Variants in ANGPT2 observed in about 807,000 individuals in gnomAD.
The protein encoded by ANGPT2 is angiopoietin 2.
A neutral mutation model predicts 62.9 loss-of-function variants in ANGPT2; 28 were observed. That is an observed-to-expected ratio of 0.44 (90% confidence interval 0.33 to 0.61). The LOEUF (loss-of-function observed/expected upper bound fraction) is 0.61. Ranked by LOEUF, ANGPT2 falls within the 20% of genes least tolerant of loss-of-function variation. ANGPT2 has a pLI of 0.03. For synonymous variants in ANGPT2, 284 were observed against 207.8 expected (o/e 1.37, Z -3.15); for missense variants, 727 against 594.9 (o/e 1.22, Z -2.31).
intron 1 of ANGPT2, among the ~76,000 whole-genome samples, chr8:6,555,498 G>A (rs1450838750): frequency 2.0e-5 from 3 of 148,902 alleles, no homozygotes; most frequent in East Asian, 2.0e-4. Context: ...ATCTCACTGC[G>A]TAGCCCAGGC....
At chr8:6,530,508 C>CAAAAA (rs55729820) in intron 2 of ANGPT2, among the ~76,000 whole-genome samples, 4 of 98,044 alleles carry the variant, frequency 4.1e-5, no homozygotes, top group East Asian at 3.4e-4. Context: ...GACTCTGTCT[C>CAAAAA]AAAAAAAAAA....
intron 3 of ANGPT2, among the ~76,000 whole-genome samples, chr8:6,523,120 C>G (rs1586343233): frequency 2.6e-5 from 4 of 152,184 alleles, no homozygotes; most frequent in South Asian, 2.1e-4. Context: ...GCCTCAGTCT[C>G]CCGAGTAGCT....
chr8:6,506,718 A>T (rs182145593), intron 8 of ANGPT2, among the ~76,000 whole-genome samples: 130 of 152,068 alleles, frequency 8.5e-4, no homozygotes, highest in Non-Finnish European at 7.4e-4. Context: ...TAATGGTGTA[A>T]CATAGGGAGG....
Position 6,505,314 on chromosome 8 carries a change from A to C in ANGPT2, c.1328-2053T>G, listed in dbSNP as rs1312637819. 3.0e-3 allele frequency among the ~76,000 whole-genome samples: 169 copies of C among 56,816 alleles called. 26 individuals carry two copies. The highest frequency in any genetic ancestry group is 0.014 in the African/African-American group (152 of 10,606). 37.3% of individuals were successfully genotyped at this position (56,816 alleles called of 152,430 possible). ...ATATACATATATATGTATATAACAT[A>C]TATATGTTATATACATATAGAAAGA... On this transcript the variant is annotated intron_variant, in intron 8 of 8. Coordinates refer to ENST00000629816, the MANE Select transcript of ANGPT2 (RefSeq NM_001118887.2).
Position 6,519,984 on chromosome 8 carries a change from G to T in ANGPT2, c.807C>A (p.Asp269Glu), listed in dbSNP as rs1817006467. The T allele has an allele frequency of 6.2e-7, 1 of 1,613,476 alleles. No homozygotes were observed. The highest frequency in any genetic ancestry group is 8.5e-7 in the Non-Finnish European group (1 of 1,179,734). ...TTTGTTCTTCTTTAGCAACAGTGGGGTCCTTAGCTGCTTTTAAAAAATAGT... is the reference window on the plus strand; with the variant it reads ...TTTGTTCTTCTTTAGCAACAGTGGGTTCCTTAGCTGCTTTTAAAAAATAGT... ...LTMMSTSNSK[D>E]PTVAKEEQIS... Residue 269 changes from aspartate (D) to glutamate (E), a missense_variant, in exon 5 of 9, where the codon GAC (aspartate) becomes GAA (glutamate). Physicochemically the swap from Asp to Glu is conservative, Grantham distance 45. Transcript: ENST00000629816.
chr8:6,513,046 G>C (rs575357538), intron 7 of ANGPT2, among the ~76,000 whole-genome samples: 1 of 152,298 alleles, frequency 6.6e-6, no homozygotes, highest in African/African-American at 2.4e-5. Flanking sequence ...CTATTCATGT[G>C]ACATATTATC....
chr8:6,513,264 A>G (rs1287427926), intron 7 of ANGPT2, among the ~76,000 whole-genome samples: 1 of 152,114 alleles, frequency 6.6e-6, no homozygotes, highest in East Asian at 1.9e-4. Context: ...TCTTGGTTAA[A>G]TCATTGTGTT....
rs1817297966 is a variant in ANGPT2, at chr8:6,521,329, T to C, written c.648A>G (p.Leu216=). 3.7e-6 allele frequency: 6 copies of C among 1,613,838 alleles called. No homozygotes were observed. In the African/African-American group the frequency reaches 6.7e-5, roughly 18 times the overall value. The change falls in exon 4 of 9, where the codon CTA becomes CTG. Residue 216 remains leucine, a synonymous_variant. Transcript: ENST00000629816. The part of the protein sequence containing the change: ...LQSIKEEKDQ[L]QVLVSKQNSI... ...AATTTTGCTTGGATACTAACACCTG[T>C]AGCTGATCTTTCTCTTCTTTTATTG...
chr8:6,557,799 T>A (rs1824883504), intron 1 of ANGPT2, among the ~76,000 whole-genome samples: 1 of 152,070 alleles, frequency 6.6e-6, no homozygotes, highest in Non-Finnish European at 1.5e-5. Flanking sequence ...TGTGAACAGC[T>A]AATTGGAAAA....
At chr8:6,534,643 T>A (rs949653955) in intron 1 of ANGPT2, among the ~76,000 whole-genome samples, 5 of 152,142 alleles carry the variant, frequency 3.3e-5, no homozygotes, top group Non-Finnish European at 7.3e-5. Context: ...AAAAAATTTT[T>A]AAAAATTTAA....
At chr8:6,515,893 A>G (rs1370094530) in intron 5 of ANGPT2, among the ~76,000 whole-genome samples, 2 of 152,180 alleles carry the variant, frequency 1.3e-5, no homozygotes. Context: ...GAACCAAGAG[A>G]GTGCTATTCC....
intron 1 of ANGPT2, among the ~76,000 whole-genome samples, chr8:6,548,304 C>T (rs547909524): frequency 1.3e-5 from 2 of 152,198 alleles, no homozygotes; most frequent in South Asian, 2.1e-4. Flanking sequence ...GGACTCTACT[C>T]GTGCGTCACT....
chr8:6,516,312 A>C (rs1816260637), intron 5 of ANGPT2, among the ~76,000 whole-genome samples: 1 of 152,232 alleles, frequency 6.6e-6, no homozygotes, highest in Non-Finnish European at 1.5e-5. Flanking sequence ...ATCTCACAGC[A>C]ACTCTGCTGT....
chr8:6,558,354 A>G (rs1586616985), intron 1 of ANGPT2, among the ~76,000 whole-genome samples: 1 of 152,184 alleles, frequency 6.6e-6, no homozygotes, highest in African/African-American at 2.4e-5. Flanking sequence ...TCTTACTTTC[A>G]TAACATTTTT....
chr8:6,519,595 AG>A (rs1816919734), intron 5 of ANGPT2, among the ~76,000 whole-genome samples: 1 of 152,232 alleles, frequency 6.6e-6, no homozygotes, highest in Admixed American at 6.5e-5. Context: ...GCATTATTCA[AG>A]CAAAATGCAA....
chr8:6,525,372 G>T (rs1818147841), intron 3 of ANGPT2, among the ~76,000 whole-genome samples: 1 of 152,132 alleles, frequency 6.6e-6, no homozygotes, highest in Admixed American at 6.5e-5. Flanking sequence ...AGGGATTACA[G>T]GTGTGTGCCA....
rs566280020 is a variant in ANGPT2 at position 6,502,109 on chromosome 8, A to G, written c.*992T>C. On this transcript the variant is annotated 3_prime_UTR_variant, in exon 9 of 9. Transcript: ENST00000629816. ...TAGTTCTATAAAAATATATCTTACT[A>G]GGAAAGAAAACAGACCTCTGTTTTA... 6 of 152,272 alleles carry G rather than the reference A, an allele frequency of 3.9e-5. No individual in the cohort carries two copies. The East Asian group carries it at 1.2e-3, about 29-fold the overall frequency. The allele number at this position is 152,272 out of a possible 1,614,324, so 9.4% of individuals were successfully genotyped here.
At chr8:6,523,890 ATT>A (rs367933701) in intron 3 of ANGPT2, among the ~76,000 whole-genome samples, 4 of 144,038 alleles carry the variant, frequency 2.8e-5, no homozygotes, top group Admixed American at 1.4e-4. Flanking sequence ...CCTGGCTGGC[ATT>A]TTTTTTTTTT....
In ANGPT2 at chr8:6,514,826, C is replaced by G. The variant is rs563843806; in HGVS notation, c.928-48G>C. 20 of 1,521,904 alleles carry G rather than the reference C, an allele frequency of 1.3e-5. No individual in the cohort carries two copies. The African/African-American group carries it at 2.5e-4, about 19-fold the overall frequency. 94.3% of individuals were successfully genotyped at this position (1,521,904 alleles called of 1,614,324 possible). A position where few individuals can be genotyped will look rare whatever the true frequency, so the allele number is the denominator to read the frequency against. The stretch of plus-strand genomic sequence containing the variant: ...TAAGTGACAGAGCCCCCCCACTCCC[C>G]CCTTACGTAGCAGAAGCAGGAGGAA... On this transcript the variant is annotated intron_variant, in intron 5 of 8. Coordinates refer to ENST00000629816, the MANE Select transcript of ANGPT2 (RefSeq NM_001118887.2).
Sources: allele counts gnomAD v4.1 joint callset (sites outside exome capture counted in the v4.1 genomes callset), GRCh38; gene constraint gnomAD v4.1.1; transcripts MANE v1.5; gene names NCBI Gene and HGNC (gene_info 2026-07-23, HGNC 2026-07-21).